RFT1: variants seen among roughly 807,000 people sequenced by gnomAD.
RFT1 encodes RFT1 glycolipid translocator homolog, also known as man(5)GlcNAc(2)-PP-dolichol translocation protein RFT1.
RFT1 carries 43 observed loss-of-function variants against 62.2 expected under a neutral mutation model. The observed-to-expected ratio is 0.69, with a 90% confidence interval of 0.54 to 0.89. The LOEUF (loss-of-function observed/expected upper bound fraction) is 0.89. RFT1 is among the 40% of genes least tolerant of loss of function. RFT1 has a pLI of 0.00. For synonymous variants in RFT1, 262 were observed against 264.6 expected, an observed-to-expected ratio of 0.99 and a Z score of 0.10; for missense variants, 605 against 649.9, an observed-to-expected ratio of 0.93 and a Z score of 0.75.
chr3:53,083,105 G>A, the RFT1 span, among the ~76,000 whole-genome samples: 1 of 149,566 alleles, frequency 6.7e-6, no homozygotes, highest in East Asian at 2.0e-4. Flanking sequence ...GCAGGCTGAG[G>A]CAGGAGAGTC....
chr3:53,115,349 A>T (rs560331420), intron 6 of RFT1, among the ~76,000 whole-genome samples: 1 of 152,272 alleles, frequency 6.6e-6, no homozygotes, highest in African/African-American at 2.4e-5. Context: ...GACTGAATGA[A>T]AAAAAATAAG....
At position 53,099,816 on chromosome 3, in the gene RFT1, C is replaced by T. The variant is rs149981545; in HGVS notation, c.1103-330G>A. Among the ~76,000 whole-genome samples the T allele has an allele frequency of 8.5e-5, 13 of 152,236 alleles. No homozygotes were observed. The East Asian group carries it at 9.6e-4, about 11-fold the overall frequency. ...CAGCCTGGGCAACATGATGAAACCCCGTGTCTACCAAAAATACAAAAGTTA... is the reference window on the plus strand; with the variant it reads ...CAGCCTGGGCAACATGATGAAACCCTGTGTCTACCAAAAATACAAAAGTTA... On this transcript the variant is annotated intron_variant, in intron 10 of 12. Transcript: ENST00000296292.
downstream of RFT1, among the ~76,000 whole-genome samples, chr3:53,084,650 T>TGA (rs1700821222): frequency 6.6e-6 from 1 of 152,180 alleles, no homozygotes; most frequent in Non-Finnish European, 1.5e-5. Context: ...AGATTAAAGG[T>TGA]GAGAGGCCGC....
At chr3:53,120,157 A>G (rs778313006) in intron 5 of RFT1, 136 bp from the exon 6 acceptor site, 26 of 718,958 alleles carry the variant, frequency 3.6e-5, no homozygotes, top group Non-Finnish European at 5.7e-5. Flanking sequence ...ACCCTCTGGG[A>G]AATGGCACTA....
intron 12 of RFT1, 126 bp from the exon 13 acceptor site, chr3:53,092,196 A>G: frequency 7.2e-7 from 1 of 1,389,478 alleles, no homozygotes; most frequent in South Asian, 1.2e-5. Context: ...GCCATACTGC[A>G]GGTCCATTGT....
chr3:53,119,960 G>C lies in RFT1; in HGVS notation c.620C>G (p.Ser207Cys), dbSNP rs758629887. ...AGTTTGAAGCTTGGTTGATTCTGGG[G>C]AACCCAGTAACTTTGTGAAATAAAT... ...YVIYFTKLLG[S>C]PESTKLQTLP... The change falls in exon 6 of 13, where the codon TCC becomes TGC. Residue 207 changes from serine (S) to cysteine (C), a missense_variant. By Grantham distance (112) the Ser-to-Cys change is moderately radical. Transcript: ENST00000296292. 6.2e-7 allele frequency: 1 copy of C among 1,612,288 alleles called. No homozygotes were observed. The highest frequency in any genetic ancestry group is 8.5e-7 in the Non-Finnish European group (1 of 1,179,174).
intron 10 of RFT1, chr3:53,103,010 G>T: frequency 1.4e-6 from 1 of 734,620 alleles, no homozygotes; most frequent in Non-Finnish European, 1.7e-6. Flanking sequence ...GCTGCCAGAT[G>T]GAAATACACT....
Position 53,090,467 on chromosome 3 carries a change from G to A in RFT1, c.*1436C>T, listed in dbSNP as rs1436374447. On this transcript the variant is annotated 3_prime_UTR_variant, in exon 13 of 13. Transcript: ENST00000296292. ...TGCTCAGGACACCTTGCATTTAGCT[G>A]CTTTTCTCCCACTTAGTGCAAAGCA... 6.6e-6 allele frequency: 1 copy of A among 152,290 alleles called. No homozygotes were observed. Among genetic ancestry groups the A allele is most frequent in the Non-Finnish European group, 1.5e-5 (1 of 68,058 alleles). 9.4% of individuals were successfully genotyped at this position (152,290 alleles called of 1,614,324 possible).
chr3:53,095,391 A>G (rs973458419), intron 11 of RFT1, among the ~76,000 whole-genome samples: 1 of 152,118 alleles, frequency 6.6e-6, no homozygotes, highest in Non-Finnish European at 1.5e-5. Context: ...GGTCCCAAGA[A>G]AATACTGGAC....
chr3:53,120,102 A>T (rs1701927293), intron 5 of RFT1, 81 bp from the exon 6 acceptor site: 5 of 1,205,346 alleles, frequency 4.1e-6, no homozygotes, highest in Non-Finnish European at 4.6e-6. Flanking sequence ...CAGTCAAGTA[A>T]TAGAACTCTC....
At chr3:53,083,214 A>C in the RFT1 span, among the ~76,000 whole-genome samples, 30 of 145,710 alleles carry the variant, frequency 2.1e-4, no homozygotes, top group African/African-American at 7.1e-4. Context: ...AAAAAAAAAA[A>C]AAAAAAAAAG....
At chr3:53,127,660 A>C (rs958401056) in intron 1 of RFT1, among the ~76,000 whole-genome samples, 76 of 152,090 alleles carry the variant, frequency 5.0e-4, no homozygotes, top group Non-Finnish European at 8.4e-4. Flanking sequence ...CTTAAAAAAA[A>C]AAAAAAAAAG....
chr3:53,094,966 A>T (rs1204998198), intron 11 of RFT1, among the ~76,000 whole-genome samples: 1 of 152,150 alleles, frequency 6.6e-6, no homozygotes, highest in Non-Finnish European at 1.5e-5. Context: ...TTAAAAATGC[A>T]ATTAAAATAT....
intron 11 of RFT1, among the ~76,000 whole-genome samples, chr3:53,096,870 G>A (rs369152312): frequency 3.3e-5 from 5 of 152,046 alleles, no homozygotes; most frequent in South Asian, 2.1e-4. Flanking sequence ...TCAGCCTCGC[G>A]GGTAGCTGGG....
chr3:53,126,173 A>G (rs1702103955), intron 1 of RFT1, among the ~76,000 whole-genome samples, 179 bp from the exon 2 acceptor site: 1 of 152,210 alleles, frequency 6.6e-6, no homozygotes, highest in South Asian at 2.1e-4. Flanking sequence ...ATTTCATTCC[A>G]TGGGATCTCT....
chr3:53,122,764 A>G (rs763242104), intron 3 of RFT1, among the ~76,000 whole-genome samples: 2 of 152,176 alleles, frequency 1.3e-5, no homozygotes, highest in Non-Finnish European at 2.9e-5. Flanking sequence ...CATTATCTCC[A>G]TTAAAAAAAT....
At chr3:53,093,070 A>G (rs1701042987) in intron 11 of RFT1, among the ~76,000 whole-genome samples, 1 of 152,208 alleles carries the variant, frequency 6.6e-6, no homozygotes, top group Non-Finnish European at 1.5e-5. Context: ...AGCACAGAGA[A>G]GTTGAGTAAT....
the RFT1 span, among the ~76,000 whole-genome samples, chr3:53,070,393 G>GGTTTTTTTTTTTTTTTTTTT: frequency 7.0e-5 from 6 of 85,448 alleles, 2 homozygotes; most frequent in Non-Finnish European, 9.1e-5. Context: ...CTGTATTATG[G>GGTTTTTTTTTTTTTTTTTTT]TTTTTTTTTT....
the RFT1 span, among the ~76,000 whole-genome samples, chr3:53,070,501 A>G: frequency 4.2e-5 from 6 of 143,752 alleles, no homozygotes; most frequent in African/African-American, 1.0e-4. Flanking sequence ...TCCCGAGTTC[A>G]AGCAATTCTC....
Sources: allele counts gnomAD v4.1 joint callset (sites outside exome capture counted in the v4.1 genomes callset), GRCh38; gene constraint gnomAD v4.1.1; transcripts MANE v1.5; gene names NCBI Gene and HGNC (gene_info 2026-07-23, HGNC 2026-07-21).